CMIP: variants seen among roughly 807,000 people sequenced by gnomAD.
CMIP encodes C-Maf-inducing protein.
A neutral mutation model predicts 97.3 loss-of-function variants in CMIP; 13 were observed. That is an observed-to-expected ratio of 0.13 (90% CI 0.09 to 0.21). CMIP has a LOEUF of 0.21. Among genes scored for constraint, CMIP ranks in the 10% least tolerant of loss-of-function variants. CMIP has a pLI of 1.00. For synonymous variants in CMIP, 538 were observed against 436.3 expected, an observed-to-expected ratio of 1.23 and a Z score of -2.91; for missense variants, 847 against 1,024.9, an observed-to-expected ratio of 0.83 and a Z score of 2.37.
chr16:81,457,082 C>T (rs763683716), intron 1 of CMIP, among the ~76,000 whole-genome samples: 1 of 152,110 alleles, frequency 6.6e-6, no homozygotes, highest in African/African-American at 2.4e-5. Context: ...TACTGTGGAG[C>T]GAGCGTCCCG....
chr16:81,598,923 C>T (rs2091609124), intron 1 of CMIP, among the ~76,000 whole-genome samples: 2 of 134,034 alleles, frequency 1.5e-5, no homozygotes, highest in African/African-American at 5.8e-5. Context: ...GGGCCAAGAT[C>T]ATGCCAGTGT....
intron 7 of CMIP, chr16:81,665,887 A>T (rs1458068870): frequency 6.6e-6 from 1 of 152,140 alleles, no homozygotes; most frequent in African/African-American, 2.4e-5. Context: ...ACCACTACCA[A>T]CTGAAATCGT....
intron 1 of CMIP, among the ~76,000 whole-genome samples, chr16:81,472,198 G>A (rs933455615): frequency 1.3e-5 from 2 of 152,210 alleles, no homozygotes; most frequent in African/African-American, 4.8e-5. Context: ...TGATGTATAT[G>A]TAACTTTGGG....
At chr16:81,493,331 C>G (rs2089434343) in intron 1 of CMIP, among the ~76,000 whole-genome samples, 1 of 151,692 alleles carries the variant, frequency 6.6e-6, no homozygotes, top group Non-Finnish European at 1.5e-5. Flanking sequence ...GGCCGGAGCT[C>G]TGGGGTCACT....
At chr16:81,515,446 G>T (rs1419452955) in intron 1 of CMIP, among the ~76,000 whole-genome samples, 1 of 152,182 alleles carries the variant, frequency 6.6e-6, no homozygotes, top group Non-Finnish European at 1.5e-5. Context: ...TGAAGGCTGG[G>T]TGGGCGGGCA....
chr16:81,576,797 A>T (rs113564408), intron 1 of CMIP, among the ~76,000 whole-genome samples: 2,548 of 152,244 alleles, frequency 0.017, 58 homozygotes, highest in African/African-American at 0.057. Context: ...TAGCTTTGAG[A>T]TGTCCCAGTA....
intron 3 of CMIP, among the ~76,000 whole-genome samples, chr16:81,636,084 TGTGA>T (rs1025702273): frequency 5.3e-4 from 78 of 146,526 alleles, no homozygotes; most frequent in African/African-American, 1.8e-3. Flanking sequence ...TGTTTGTGTG[TGTGA>T]GTGTGTGTGT....
intron 1 of CMIP, among the ~76,000 whole-genome samples, chr16:81,545,258 G>A (rs1038473771): frequency 9.2e-5 from 14 of 152,154 alleles, no homozygotes; most frequent in East Asian, 1.9e-4. Flanking sequence ...TAATGCATTC[G>A]TTATCTCAGG....
intron 1 of CMIP, among the ~76,000 whole-genome samples, chr16:81,524,106 G>T (rs2090082412): frequency 6.6e-6 from 1 of 152,218 alleles, no homozygotes. Flanking sequence ...GGAACCCTCT[G>T]ACCTGTGAGG....
At chr16:81,603,427 A>G (rs767985255) in intron 1 of CMIP, 9 of 454,218 alleles carry the variant, frequency 2.0e-5, no homozygotes, top group Middle Eastern at 6.8e-4. Flanking sequence ...ACAGTTTGAG[A>G]TGTATAGGAA....
intron 1 of CMIP, chr16:81,603,374 G>T (rs769777654): frequency 6.6e-6 from 3 of 454,188 alleles, no homozygotes; most frequent in South Asian, 4.7e-5. Context: ...GAGCCACCGC[G>T]CCCGGCCTTG....
rs374184833 is a variant in CMIP, at chr16:81,678,370, G to A, written c.1130G>A (p.Ser377Asn). 5 of 1,612,502 alleles carry A rather than the reference G, an allele frequency of 3.1e-6. No homozygotes were observed. The African/African-American group carries it at 5.3e-5, about 17-fold the overall frequency. ...TTACCTCTGCGCCTTCTGCACCCCA[G>A]CCCGGACCTGGTGTCTCAGGAAGCC... ...PTLPLRLLHP[S>N]PDLVSQEATL... The change falls in exon 10 of 21, where the codon AGC becomes AAC. Residue 377 changes from serine to asparagine, a missense_variant. This residue lies in a region of CMIP where 202 missense variants were observed against 168.7 expected (regional missense o/e 1.20). Transcript: ENST00000537098.
chr16:81,633,611 C>T (rs1483789082), intron 3 of CMIP, among the ~76,000 whole-genome samples: 1 of 152,238 alleles, frequency 6.6e-6, no homozygotes, highest in Non-Finnish European at 1.5e-5. Context: ...CCGGAGCACC[C>T]TGGTGCACTT....
At chr16:81,659,020 T>C (rs2151017166) in intron 5 of CMIP, among the ~76,000 whole-genome samples, 1 of 152,342 alleles carries the variant, frequency 6.6e-6, no homozygotes, top group East Asian at 1.9e-4. Flanking sequence ...GTCTGGCACG[T>C]AGTGGGCTCT....
intron 1 of CMIP, among the ~76,000 whole-genome samples, chr16:81,588,076 C>T (rs2091411217): frequency 6.6e-6 from 1 of 152,148 alleles, no homozygotes; most frequent in Admixed American, 6.5e-5. Context: ...TGCCTGCCTC[C>T]AAGAGGACCG....
intron 1 of CMIP, among the ~76,000 whole-genome samples, chr16:81,567,537 C>G (rs1210509689): frequency 1.3e-5 from 2 of 152,254 alleles, no homozygotes; most frequent in African/African-American, 4.8e-5. Flanking sequence ...TGCCACGTCT[C>G]TGGGCCTCAG....
At chr16:81,543,406 G>A (rs546167145) in intron 1 of CMIP, among the ~76,000 whole-genome samples, 48 of 152,284 alleles carry the variant, frequency 3.2e-4, no homozygotes, top group African/African-American at 9.1e-4. Context: ...TTGCCAAGGC[G>A]TTGCGTTGGC....
chr16:81,505,459 C>G (rs570649617), intron 1 of CMIP, among the ~76,000 whole-genome samples: 1 of 152,172 alleles, frequency 6.6e-6, no homozygotes, highest in Non-Finnish European at 1.5e-5. Context: ...TCAAAGGCAG[C>G]GGGGTCTGTG....
At chr16:81,624,739 C>T (rs78793503) in intron 3 of CMIP, among the ~76,000 whole-genome samples, 23,412 of 152,196 alleles carry the variant, frequency 0.15, 1,909 homozygotes, top group East Asian at 0.28. Flanking sequence ...ATGAGGGAGA[C>T]ACTAGGGTTC....
Sources: allele counts gnomAD v4.1 joint callset (sites outside exome capture counted in the v4.1 genomes callset), GRCh38; gene constraint gnomAD v4.1.1; regional missense constraint gnomAD v4.1.1; transcripts MANE v1.5; gene names NCBI Gene and HGNC (gene_info 2026-07-23, HGNC 2026-07-21).